The following MIA3 variants were observed in gnomAD, a reference collection of about 807,000 sequenced individuals.
MIA3 encodes MIA SH3 domain ER export factor 3, also known as transport and Golgi organization protein 1 homolog.
Under a neutral mutation model 192.4 loss-of-function variants are expected in MIA3, and 90 were observed. The observed-to-expected ratio is 0.47, with a 90% CI of 0.39 to 0.56. The LOEUF is 0.56. Ranked by LOEUF, MIA3 falls within the 20% of genes least tolerant of loss-of-function variation. The pLI is 0.00. For missense variants in MIA3, 2,123 were observed against 2,269.4 expected, an observed-to-expected ratio of 0.94 and a Z score of 1.31; for synonymous variants, 740 against 792.8, an observed-to-expected ratio of 0.93 and a Z score of 1.12.
At chr1:222,637,946 T>A (rs902080458) in intron 6 of MIA3, among the ~76,000 whole-genome samples, 1 of 152,114 alleles carries the variant, frequency 6.6e-6, no homozygotes, top group African/African-American at 2.4e-5. Flanking sequence ...CCTCCCTAAG[T>A]GTTGGGATTA....
At position 222,665,674 on chromosome 1, in the gene MIA3, A is replaced by T; in HGVS notation, c.*55A>T. 7.4e-7 allele frequency: 1 copy of T among 1,351,448 alleles called. No individual in the cohort carries two copies. Among genetic ancestry groups the T allele is most frequent in the Non-Finnish European group, 9.8e-7 (1 of 1,020,130 alleles). The allele number at this position is 1,351,448 out of a possible 1,614,324, so 83.7% of individuals were successfully genotyped here. A position where few individuals can be genotyped will look rare whatever the true frequency, so the allele number is the denominator to read the frequency against. On this transcript the variant is annotated 3_prime_UTR_variant, in exon 28 of 28. Transcript: ENST00000344922. ...GAAAGTGTACTGTGCATTATCCATT[A>T]CAGTAAAGGATTTCATTGGCTTCAA...
In MIA3 at chr1:222,637,233, A is replaced by G. The variant is rs573219997; in HGVS notation, c.3477+3984A>G. On this transcript the variant is annotated intron_variant, in intron 6 of 27. Coordinates refer to ENST00000344922, the MANE Select transcript of MIA3 (RefSeq NM_198551.4). ...TTTGCTGACTACATCCCCCTGGTGT[A>G]TTTTAACATTTTTCTCTGGTTCTTT... Among the ~76,000 whole-genome samples the G allele has an allele frequency of 2.6e-5, 4 of 152,204 alleles. No homozygotes were observed. In the South Asian group the frequency reaches 6.2e-4, roughly 24 times the overall value.
chr1:222,660,042 T>G (rs746270464), intron 23 of MIA3, 36 bp downstream of exon 23: 1 of 1,592,246 alleles, frequency 6.3e-7, no homozygotes, highest in South Asian at 1.1e-5. Context: ...AACAATCTGT[T>G]TTTTGATGTA....
intron 1 of MIA3, among the ~76,000 whole-genome samples, chr1:222,620,894 A>G (rs1334930906): frequency 6.6e-6 from 1 of 152,232 alleles, no homozygotes; most frequent in Admixed American, 6.5e-5. Flanking sequence ...TAGTTGGCAC[A>G]TTGCTTTTTG....
chr1:222,660,361 T>C (rs913538724), intron 24 of MIA3, 47 bp downstream of exon 24: 3 of 1,564,098 alleles, frequency 1.9e-6, no homozygotes, highest in East Asian at 4.6e-5. Flanking sequence ...GGTGGCTTTT[T>C]CCCTTTTATT....
At chr1:222,651,191 G>A (rs1663413098) in intron 11 of MIA3, among the ~76,000 whole-genome samples, 2 of 146,332 alleles carry the variant, frequency 1.4e-5, no homozygotes, top group Admixed American at 1.4e-4. Flanking sequence ...CAGTCCTTGT[G>A]TTTTGTTTTG....
chr1:222,654,219 G>A (rs751671057), intron 15 of MIA3, 24 bp from the exon 16 acceptor site: 21 of 1,607,610 alleles, frequency 1.3e-5, no homozygotes, highest in Non-Finnish European at 1.7e-5. Context: ...AAAAAGCAAT[G>A]AAAGAAAGCC....
chr1:222,624,186 C>G (rs1294222837), intron 2 of MIA3, among the ~76,000 whole-genome samples: 1 of 151,942 alleles, frequency 6.6e-6, no homozygotes, highest in African/African-American at 2.4e-5. Context: ...TATGTAGATC[C>G]TAGTGTATTT....
intron 18 of MIA3, among the ~76,000 whole-genome samples, chr1:222,656,488 T>C (rs1288651066): frequency 6.6e-6 from 1 of 152,172 alleles, no homozygotes; most frequent in Non-Finnish European, 1.5e-5. Flanking sequence ...TTCAAATGTT[T>C]TATGCCTGCC....
Position 222,627,856 on chromosome 1 carries a change from T to G in MIA3, c.636T>G (p.His212Gln). The G allele has an allele frequency of 6.2e-7, 1 of 1,614,052 alleles. No individual in the cohort carries two copies. The highest frequency in any genetic ancestry group is 8.5e-7 in the Non-Finnish European group (1 of 1,180,024). ...TTACAACTCAGAAGCACCACTCCCA[T>G]GCAAACAGCCAAGCAAATCATGCTC... Reference protein sequence around the residue: ...EQFTTQKHHSHANSQANHAQG... With the variant: ...EQFTTQKHHSQANSQANHAQG... The change falls in exon 4 of 28, where the codon CAT becomes CAG. Residue 212 changes from histidine to glutamine, a missense_variant. His to Gln is a conservative substitution (Grantham distance 24). Around this residue, in one of 3 missense-constraint regions of MIA3, gnomAD observed 1,357 missense variants for 1,396.1 expected, o/e 0.97. Coordinates refer to ENST00000344922, the MANE Select transcript of MIA3 (RefSeq NM_198551.4).
At chr1:222,648,761 AT>A (rs1663273842) in intron 7 of MIA3, 67 bp from the exon 8 acceptor site, 2 of 911,042 alleles carry the variant, frequency 2.2e-6, no homozygotes, top group African/African-American at 1.7e-5. Context: ...TGACAGTTGT[AT>A]TAGAAACTAT....
At chr1:222,639,538 CTA>C (rs1662765564) in intron 6 of MIA3, among the ~76,000 whole-genome samples, 1 of 152,074 alleles carries the variant, frequency 6.6e-6, no homozygotes, top group Non-Finnish European at 1.5e-5. Context: ...GGAAAATACT[CTA>C]TGACCAAATA....
Position 222,630,110 on chromosome 1 carries a change from C to G in MIA3, c.2890C>G (p.Gln964Glu), listed in dbSNP as rs1391146197. Residue 964 changes from glutamine to glutamate, a missense_variant, in exon 4 of 28, where the codon CAG becomes GAG. Gln to Glu is a conservative substitution (Grantham distance 29, BLOSUM62 2). This residue lies in a region of MIA3 where 1,357 missense variants were observed against 1,396.1 expected (regional missense o/e 0.97). Coordinates refer to ENST00000344922, the MANE Select transcript of MIA3 (RefSeq NM_198551.4). Reference protein sequence around the residue: ...EMSSKLKSAQQESLPYNMEKV... With the variant: ...EMSSKLKSAQEESLPYNMEKV... ...GTCATCAAAACTGAAGTCAGCGCAG[C>G]AGGAGAGCCTGCCCTATAATATGGA... 6.2e-6 allele frequency: 10 copies of G among 1,614,222 alleles called. No individual in the cohort carries two copies. The highest frequency in any genetic ancestry group is 7.6e-6 in the Non-Finnish European group (9 of 1,180,034).
chr1:222,652,800 C>T (rs1329140590), intron 13 of MIA3, among the ~76,000 whole-genome samples: 4 of 152,210 alleles, frequency 2.6e-5, no homozygotes, highest in Non-Finnish European at 5.9e-5. Flanking sequence ...ATGCAATAAA[C>T]AAGATCAATT....
rs1662189268 is a variant in MIA3 at position 222,627,814 on chromosome 1, G to A, written c.594G>A (p.Glu198=). ...ESDSVFSENT[E]DLQEQFTTQK... ...ATAGTGTATTCTCAGAAAACACTGA[G>A]GATCTTCAGGAACAGTTTACAACTC... Residue 198 remains glutamate, a synonymous_variant, in exon 4 of 28, where the codon GAG becomes GAA. Coordinates refer to ENST00000344922, the MANE Select transcript of MIA3 (RefSeq NM_198551.4). The A allele has an allele frequency of 1.2e-6, 2 of 1,613,836 alleles. No homozygotes were observed. The highest frequency in any genetic ancestry group is 1.3e-5 in the African/African-American group (1 of 74,902).
Position 222,632,276 on chromosome 1 carries a change from A to C in MIA3, c.3281A>C (p.His1094Pro), listed in dbSNP as rs1344096654. The C allele has an allele frequency of 6.2e-7, 1 of 1,614,194 alleles. No individual in the cohort carries two copies. The stretch of plus-strand genomic sequence containing the variant: ...GACCAACGTGTGATTGGGGACACTC[A>C]TGCCTCAGAAGTGTCACAGAAGCCA... The part of the protein sequence containing the change: ...HLDQRVIGDT[H>P]ASEVSQKPNT... The change falls in exon 5 of 28, where the codon CAT (histidine) becomes CCT (proline). Residue 1094 changes from histidine to proline, a missense_variant. His to Pro is a moderately conservative substitution (Grantham distance 77). Around this residue, in one of 3 missense-constraint regions of MIA3, gnomAD observed 1,357 missense variants for 1,396.1 expected, o/e 0.97. Transcript: ENST00000344922.
At chr1:222,642,526 T>C (rs1662909040) in intron 6 of MIA3, among the ~76,000 whole-genome samples, 1 of 152,228 alleles carries the variant, frequency 6.6e-6, no homozygotes, top group African/African-American at 2.4e-5. Flanking sequence ...GTGCATATAT[T>C]TTTTCAGCAT....
intron 18 of MIA3, among the ~76,000 whole-genome samples, chr1:222,656,723 T>C (rs1345801146): frequency 6.6e-6 from 1 of 152,102 alleles, no homozygotes; most frequent in Admixed American, 6.5e-5. Flanking sequence ...CATACTAGGA[T>C]CTCCCACCCC....
At chr1:222,644,633 G>T (rs1558186276) in intron 6 of MIA3, 3 of 1,546,264 alleles carry the variant, frequency 1.9e-6, no homozygotes, top group African/African-American at 1.4e-5. Flanking sequence ...TCACAGGCGG[G>T]TGGATGAGTT....
Sources: gnomAD v4.1 joint callset for allele counts (sites outside exome capture counted in the v4.1 genomes callset) on GRCh38, gnomAD v4.1.1 for gene constraint, gnomAD v4.1.1 regional missense constraint, MANE v1.5 for transcripts, NCBI Gene and HGNC (gene_info 2026-07-23, HGNC 2026-07-21) for gene names.